PTK2B: variants seen among roughly 807,000 people sequenced by gnomAD.
PTK2B encodes the protein protein-tyrosine kinase 2-beta.
In PTK2B, 71 loss-of-function variants were observed where a neutral mutation model predicts 142.9. The observed-to-expected ratio is 0.50, with a 90% CI of 0.41 to 0.61. The LOEUF is 0.61. PTK2B is among the 20% of genes least tolerant of loss of function. The probability of loss-of-function intolerance (pLI) is 0.00; values close to 1 mark genes in which losing one functional copy is unlikely to be tolerated. For synonymous variants in PTK2B, 519 were observed against 503.4 expected, an observed-to-expected ratio of 1.03 and a Z score of -0.42; for missense variants, 1,105 against 1,320.4, an observed-to-expected ratio of 0.84 and a Z score of 2.53.
rs1811089271 is a variant in PTK2B, at chr8:27,440,433, C to T, written c.2031C>T (p.Cys677=). The change falls in exon 21 of 31, where the codon TGC becomes TGT. Residue 677 remains cysteine (C), a synonymous_variant. Coordinates refer to ENST00000346049, the MANE Select transcript of PTK2B (RefSeq NM_173176.3). Reference sequence around the variant, plus strand: ...GGCCCCGCTTCACCGAGCTGGTGTGCAGCCTCAGGTGAGCATGGAGTGTGG... The same window carrying T: ...GGCCCCGCTTCACCGAGCTGGTGTGTAGCCTCAGGTGAGCATGGAGTGTGG... The part of the protein sequence containing the change: ...SDRPRFTELV[C]SLSDVYQMEK... The T allele has an allele frequency of 6.2e-7, 1 of 1,613,638 alleles. No homozygotes were observed. Among genetic ancestry groups the T allele is most frequent in the Non-Finnish European group, 8.5e-7 (1 of 1,179,980 alleles).
At chr8:27,439,485 T>C in intron 20 of PTK2B, 87 bp downstream of exon 20, 1 of 1,379,040 alleles carries the variant, frequency 7.3e-7, no homozygotes, top group Non-Finnish European at 1.0e-6. Context: ...GGAGCAGGGG[T>C]CTGACCTCCA....
intron 24 of PTK2B, among the ~76,000 whole-genome samples, chr8:27,447,898 TAAAC>T (rs754404002): frequency 6.6e-6 from 1 of 152,130 alleles, no homozygotes. Flanking sequence ...TACAATTCAA[TAAAC>T]AGTAGGGCTT....
intron 1 of PTK2B, among the ~76,000 whole-genome samples, chr8:27,330,833 G>A (rs538848536): frequency 1.4e-4 from 21 of 152,310 alleles, no homozygotes; most frequent in African/African-American, 4.6e-4. Flanking sequence ...CAGGGGGCCT[G>A]CAGGGGTGGA....
At chr8:27,361,845 C>T (rs1266518198) in intron 1 of PTK2B, among the ~76,000 whole-genome samples, 1 of 152,126 alleles carries the variant, frequency 6.6e-6, no homozygotes, top group Non-Finnish European at 1.5e-5. Context: ...TGCTCCGCTC[C>T]ACACCCACAC....
intron 1 of PTK2B, chr8:27,395,974 C>T (rs1808024794): frequency 2.6e-5 from 4 of 152,138 alleles, no homozygotes; most frequent in Admixed American, 6.5e-5. Context: ...CTAGAATAGA[C>T]AGATACTTCC....
At chr8:27,434,347 C>T in intron 12 of PTK2B, among the ~76,000 whole-genome samples, 166 bp from the exon 13 acceptor site, 1 of 152,190 alleles carries the variant, frequency 6.6e-6, no homozygotes, top group East Asian at 1.9e-4. Flanking sequence ...TTGCTGCTGT[C>T]CCCCAACTCC....
At position 27,436,013 on chromosome 8, in the gene PTK2B, G is replaced by A. The variant is rs531466875; in HGVS notation, c.1243+220G>A. ...CTTTTGTGTGCCCATGGAGCTGTGC[G>A]GGGATTCTAGTAACGTGGACCTGGG... On this transcript the variant is annotated intron_variant, in intron 14 of 30. Coordinates refer to ENST00000346049, the MANE Select transcript of PTK2B (RefSeq NM_173176.3). 5.9e-5 allele frequency among the ~76,000 whole-genome samples: 9 copies of A among 152,218 alleles called. No individual in the cohort carries two copies. In the South Asian group the frequency reaches 8.3e-4, roughly 14 times the overall value.
At chr8:27,415,274 G>A (rs148355584) in intron 2 of PTK2B, among the ~76,000 whole-genome samples, 1 of 152,110 alleles carries the variant, frequency 6.6e-6, no homozygotes, top group East Asian at 1.9e-4. Context: ...GGGTGGATGG[G>A]GCACTGCTGC....
chr8:27,435,157 A>G (rs1810693851), intron 13 of PTK2B, among the ~76,000 whole-genome samples: 1 of 152,260 alleles, frequency 6.6e-6, no homozygotes, highest in Admixed American at 6.5e-5. Flanking sequence ...TCCAAGATCA[A>G]GGTGCTGGCT....
At chr8:27,370,545 A>G (rs6993847) in intron 1 of PTK2B, among the ~76,000 whole-genome samples, 1 of 152,230 alleles carries the variant, frequency 6.6e-6, no homozygotes, top group Non-Finnish European at 1.5e-5. Context: ...TGTGGTTGGT[A>G]TGATTTCCCT....
At chr8:27,406,181 G>C (rs1470095444) in intron 2 of PTK2B, among the ~76,000 whole-genome samples, 2 of 152,188 alleles carry the variant, frequency 1.3e-5, no homozygotes, top group African/African-American at 2.4e-5. Context: ...TCCTCTCTCT[G>C]TGTCTCTTTT....
chr8:27,430,961 A>G lies in PTK2B; in HGVS notation c.755A>G (p.Asn252Ser), dbSNP rs758362822. The G allele has an allele frequency of 3.7e-5, 60 of 1,614,046 alleles. No individual in the cohort carries two copies. Among genetic ancestry groups the G allele is most frequent in the Middle Eastern group, 1.6e-4 (1 of 6,084 alleles). Residue 252 changes from asparagine to serine, a missense_variant, in exon 8 of 31, where the codon AAC (asparagine) becomes AGC (serine). Coordinates refer to ENST00000346049, the MANE Select transcript of PTK2B (RefSeq NM_173176.3). ...REEECVMKFF[N>S]TLAGFANIDQ... ...GAGGAGTGCGTCATGAAGTTCTTCA[A>G]CACTCTCGCCGGCTTCGCCAACATC...
At chr8:27,325,717 G>A (rs531321210) in intron 1 of PTK2B, 36 bp downstream of exon 1, 1 of 152,348 alleles carries the variant, frequency 6.6e-6, no homozygotes, top group East Asian at 1.9e-4. Context: ...TGAGCGCTGC[G>A]CCCGGCAGAA....
upstream of PTK2B, among the ~76,000 whole-genome samples, chr8:27,310,540 A>T (rs565799728): frequency 2.6e-5 from 4 of 152,378 alleles, no homozygotes; most frequent in Admixed American, 6.5e-5. Context: ...TTCAGAAGCA[A>T]GTGTCGCTGT....
At chr8:27,403,770 C>T (rs1808522619) in intron 2 of PTK2B, among the ~76,000 whole-genome samples, 1 of 149,460 alleles carries the variant, frequency 6.7e-6, no homozygotes, top group African/African-American at 2.4e-5. Context: ...GCTGCTGCTG[C>T]TCCTCCTCCT....
chr8:27,349,863 C>T (rs895582511), intron 1 of PTK2B, among the ~76,000 whole-genome samples: 2 of 152,164 alleles, frequency 1.3e-5, no homozygotes, highest in Admixed American at 6.5e-5. Flanking sequence ...TCAAGGGCCA[C>T]CCTAGACAGG....
At chr8:27,434,479 G>T in intron 12 of PTK2B, 34 bp from the exon 13 acceptor site, 1 of 1,596,980 alleles carries the variant, frequency 6.3e-7, no homozygotes, top group South Asian at 1.1e-5. Context: ...CGGCCTCTGA[G>T]CTCACCTGGC....
At chr8:27,443,539 G>A (rs996826529) in intron 22 of PTK2B, among the ~76,000 whole-genome samples, 3 of 152,184 alleles carry the variant, frequency 2.0e-5, no homozygotes, top group African/African-American at 4.8e-5. Flanking sequence ...AGGGCTCTCT[G>A]CCTGGCTTAC....
intron 1 of PTK2B, among the ~76,000 whole-genome samples, chr8:27,340,994 A>C (rs894699530): frequency 2.6e-5 from 4 of 152,202 alleles, no homozygotes; most frequent in Admixed American, 2.6e-4. Context: ...GGAGAGACGG[A>C]TGAAGGGGAT....
Sources: allele counts gnomAD v4.1 joint callset (sites outside exome capture counted in the v4.1 genomes callset), GRCh38; gene constraint gnomAD v4.1.1; transcripts MANE v1.5; gene names NCBI Gene and HGNC (gene_info 2026-07-23, HGNC 2026-07-21).